The following NTM variants were observed in gnomAD, a reference collection of about 807,000 sequenced individuals.
The protein encoded by NTM is IgLON family member 2.
Under a neutral mutation model 42.1 loss-of-function variants are expected in NTM, and 13 were observed. The ratio of observed to expected loss-of-function variants is 0.31; its 90% CI spans 0.20 to 0.49. The LOEUF is 0.49. Ranked by LOEUF, NTM falls within the 20% of genes least tolerant of loss-of-function variation. The pLI, the probability that NTM is intolerant of heterozygous loss-of-function variation, is 0.99. For synonymous variants in NTM, 187 were observed against 179.2 expected (o/e 1.04, Z -0.35); for missense variants, 373 against 452.8 (o/e 0.82, Z 1.60).
chr11:131,420,269 A>G (rs1027742622), intron 1 of NTM, among the ~76,000 whole-genome samples: 1 of 152,160 alleles, frequency 6.6e-6, no homozygotes, highest in Non-Finnish European at 1.5e-5. Flanking sequence ...CAGGAGCAGG[A>G]GACCTGATGA....
At chr11:131,992,520 A>G (rs1203879155) in intron 2 of NTM, among the ~76,000 whole-genome samples, 2 of 152,068 alleles carry the variant, frequency 1.3e-5, no homozygotes, top group East Asian at 3.9e-4. Flanking sequence ...CTTCAAAAAC[A>G]GGCACCAAGG....
intron 1 of NTM, among the ~76,000 whole-genome samples, chr11:131,817,198 C>G (rs1223985694): frequency 6.6e-6 from 1 of 152,160 alleles, no homozygotes; most frequent in Non-Finnish European, 1.5e-5. Flanking sequence ...CCAGGCTGTT[C>G]TGAGTACCTG....
At chr11:131,800,110 G>T (rs1220665975) in intron 1 of NTM, among the ~76,000 whole-genome samples, 1 of 152,154 alleles carries the variant, frequency 6.6e-6, no homozygotes, top group Non-Finnish European at 1.5e-5. Context: ...CAGCGGAATG[G>T]GTGATGCTGA....
rs369516424 is a variant in NTM at position 132,264,146 on chromosome 11, CT to C, written c.527-43540del. ...AAACAGAAATGTCTATTTTCCCACC[CT>C]TTGGCCCATAACAGATACTTTCAAT... On this transcript the variant is annotated intron_variant, in intron 4 of 8. Transcript: ENST00000683400. Among the ~76,000 whole-genome samples, 76 of 152,312 alleles carry C rather than the reference CT, an allele frequency of 5.0e-4. 1 individual carries two copies. The East Asian group carries it at 0.014, about 28-fold the overall frequency.
chr11:131,777,115 G>A, intron 1 of NTM: 1 of 908,066 alleles, frequency 1.1e-6, no homozygotes, highest in Non-Finnish European at 1.3e-6. Flanking sequence ...ATTGAAGGAA[G>A]TACTCAGTGT....
intron 1 of NTM, chr11:131,878,157 A>T (rs931025329): frequency 6.6e-6 from 1 of 152,234 alleles, no homozygotes; most frequent in African/African-American, 2.4e-5. Flanking sequence ...AGTTGGGGAC[A>T]GGAAGAAAGC....
chr11:131,696,785 GCACACA>G (rs34907087), intron 1 of NTM, among the ~76,000 whole-genome samples: 13 of 147,840 alleles, frequency 8.8e-5, no homozygotes, highest in East Asian at 5.9e-4. Flanking sequence ...ACCCACGCAT[GCACACA>G]CACACACACA....
intron 2 of NTM, among the ~76,000 whole-genome samples, chr11:132,134,490 C>T (rs575462780): frequency 1.1e-4 from 16 of 151,570 alleles, no homozygotes; most frequent in Middle Eastern, 3.4e-3. Context: ...TGACCTTTTT[C>T]CCTGAGGCCC....
chr11:131,753,186 A>G (rs1457596000), intron 1 of NTM, among the ~76,000 whole-genome samples: 4 of 152,146 alleles, frequency 2.6e-5, no homozygotes, highest in African/African-American at 2.4e-5. Context: ...CAAAACAACA[A>G]TGAGATACCA....
chr11:131,712,685 G>A (rs146062329), intron 1 of NTM, among the ~76,000 whole-genome samples: 3 of 152,074 alleles, frequency 2.0e-5, no homozygotes, highest in Non-Finnish European at 2.9e-5. Context: ...CTCAGCTCAA[G>A]TGATCCTCCC....
At chr11:131,809,901 C>T (rs1321205231) in intron 1 of NTM, among the ~76,000 whole-genome samples, 2 of 152,140 alleles carry the variant, frequency 1.3e-5, no homozygotes, top group African/African-American at 4.8e-5. Context: ...CCTGCCTTGA[C>T]GTGGATGTAT....
chr11:132,311,536 A>G lies in NTM; in HGVS notation c.782+1304A>G, dbSNP rs556023386. The stretch of plus-strand genomic sequence containing the variant: ...CAGACTGGAGCGTGTTTTTCTGATA[A>G]ATATGGTTTCCTTACTTAGAAATTC... On this transcript the variant is annotated intron_variant, in intron 6 of 8. Coordinates refer to ENST00000683400, the MANE Select transcript of NTM (RefSeq NM_001352005.2). 9.9e-5 allele frequency among the ~76,000 whole-genome samples: 15 copies of G among 152,260 alleles called. No individual in the cohort carries two copies. The South Asian group carries it at 1.7e-3, about 17-fold the overall frequency.
chr11:131,371,988 G>A (rs1165978903), intron 1 of NTM, among the ~76,000 whole-genome samples: 2 of 152,134 alleles, frequency 1.3e-5, no homozygotes, highest in Non-Finnish European at 2.9e-5. Flanking sequence ...AAACGATGGG[G>A]AGTCCCACCC....
At chr11:132,117,946 T>C (rs186797297) in intron 2 of NTM, among the ~76,000 whole-genome samples, 7 of 152,196 alleles carry the variant, frequency 4.6e-5, no homozygotes, top group Non-Finnish European at 1.0e-4. Context: ...AGTACCTAAT[T>C]CAAAACTGAA....
At chr11:132,204,246 T>G (rs1323169598) in intron 3 of NTM, among the ~76,000 whole-genome samples, 3 of 152,230 alleles carry the variant, frequency 2.0e-5, no homozygotes, top group Non-Finnish European at 2.9e-5. Flanking sequence ...ATCAACATCA[T>G]TATGTTCACT....
At chr11:131,989,969 A>G (rs985499635) in intron 2 of NTM, among the ~76,000 whole-genome samples, 5 of 152,118 alleles carry the variant, frequency 3.3e-5, no homozygotes, top group African/African-American at 1.2e-4. Flanking sequence ...TAATTCTTTC[A>G]TGCAAGAAGT....
At position 131,658,879 on chromosome 11, in the gene NTM, G is replaced by A. The variant is rs577524046; in HGVS notation, c.83-252685G>A. Among the ~76,000 whole-genome samples, 727 of 152,232 alleles carry A rather than the reference G, an allele frequency of 4.8e-3. 9 individuals carry two copies. Among genetic ancestry groups the A allele is most frequent in the African/African-American group, 0.017 (687 of 41,532 alleles). ...CCAGCTTCTCGGGAGGCTGAGGCAC[G>A]AGAATCGCTTGAACCAGGGCATCAG... On this transcript the variant is annotated intron_variant, in intron 1 of 8. Transcript: ENST00000683400.
At chr11:131,646,075 G>A (rs2065739223) in intron 1 of NTM, among the ~76,000 whole-genome samples, 1 of 152,230 alleles carries the variant, frequency 6.6e-6, no homozygotes, top group Admixed American at 6.5e-5. Context: ...AAGAGGATAA[G>A]CCCACTTCCT....
rs922418172 is a variant in NTM at position 132,314,885 on chromosome 11, G to A, written c.934+182G>A. On this transcript the variant is annotated intron_variant, in intron 7 of 8. Coordinates refer to ENST00000683400, the MANE Select transcript of NTM (RefSeq NM_001352005.2). ...AGAGAGAGGGACAGAGAGACAGGGA[G>A]GAGGCAGACAGAAAGAGAAAGAACA... is the stretch of plus-strand genomic sequence containing the variant. 5.2e-6 allele frequency: 7 copies of A among 1,355,226 alleles called. No homozygotes were observed. The African/African-American group carries it at 1.0e-4, about 20-fold the overall frequency. The allele number at this position is 1,355,226 out of a possible 1,614,324, so 84.0% of individuals were successfully genotyped here. A position where few individuals can be genotyped will look rare whatever the true frequency, so the allele number is the denominator to read the frequency against.
Sources: gnomAD v4.1 joint callset for allele counts (sites outside exome capture counted in the v4.1 genomes callset) on GRCh38, gnomAD v4.1.1 for gene constraint, MANE v1.5 for transcripts, NCBI Gene and HGNC (gene_info 2026-07-23, HGNC 2026-07-21) for gene names.